USP34: variants seen among roughly 807,000 people sequenced by gnomAD.
The protein encoded by USP34 is ubiquitin carboxyl-terminal hydrolase 34.
Under a neutral mutation model 460.3 loss-of-function variants are expected in USP34, and 70 were observed. That is an observed-to-expected ratio of 0.15 (90% CI 0.13 to 0.19). The LOEUF (loss-of-function observed/expected upper bound fraction) is 0.19, where lower values mean the gene tolerates loss of function less well. Ranked by LOEUF, USP34 falls within the 10% of genes least tolerant of loss-of-function variation. The probability of loss-of-function intolerance (pLI) is 1.00; values close to 1 mark genes in which losing one functional copy is unlikely to be tolerated. For missense variants in USP34, 3,985 were observed against 4,236.2 expected (o/e 0.94, Z 1.65); for synonymous variants, 1,647 against 1,405.3 (o/e 1.17, Z -3.85).
At chr2:61,289,819 G>C (rs1187754454) in intron 33 of USP34, among the ~76,000 whole-genome samples, 3 of 152,016 alleles carry the variant, frequency 2.0e-5, no homozygotes, top group Non-Finnish European at 4.4e-5. Context: ...TAAAAGAAAA[G>C]ACTATAAAAC....
At chr2:61,392,780 T>A (rs974830443) in intron 5 of USP34, among the ~76,000 whole-genome samples, 1 of 152,212 alleles carries the variant, frequency 6.6e-6, no homozygotes, top group African/African-American at 2.4e-5. Flanking sequence ...TATGTAATAT[T>A]CCTGATTAAG....
intron 49 of USP34, among the ~76,000 whole-genome samples, chr2:61,247,719 T>C (rs1688454417): frequency 6.6e-6 from 1 of 152,148 alleles, no homozygotes; most frequent in Non-Finnish European, 1.5e-5. Flanking sequence ...TAATAATAGG[T>C]CTAAAAAGTA....
intron 27 of USP34, among the ~76,000 whole-genome samples, chr2:61,302,399 C>T (rs976044801): frequency 6.6e-6 from 1 of 152,070 alleles, no homozygotes; most frequent in African/African-American, 2.4e-5. Flanking sequence ...GTTTTTCTTC[C>T]AAGACGAGTC....
intron 67 of USP34, among the ~76,000 whole-genome samples, chr2:61,218,119 T>C (rs1687454322): frequency 1.3e-5 from 2 of 151,720 alleles, no homozygotes; most frequent in African/African-American, 4.8e-5. Flanking sequence ...TCATCAGTAT[T>C]AGGCATAATA....
At position 61,291,950 on chromosome 2, in the gene USP34, A is replaced by G. The variant is rs186677912; in HGVS notation, c.4548+1514T>C. Among the ~76,000 whole-genome samples the G allele has an allele frequency of 2.1e-3, 322 of 152,284 alleles. 3 individuals are homozygous for G. Among genetic ancestry groups the G allele is most frequent in the African/African-American group, 7.3e-3 (304 of 41,570 alleles). ...CTCGAAAATAGGCTAAGTGAAAGAA[A>G]CCAGTCACGATGGACCATATATTGT... On this transcript the variant is annotated intron_variant, in intron 33 of 79. Transcript: ENST00000398571.
intron 1 of USP34, among the ~76,000 whole-genome samples, chr2:61,446,183 ATACT>A (rs937428387): frequency 2.6e-5 from 4 of 152,044 alleles, no homozygotes; most frequent in African/African-American, 4.8e-5. Context: ...TCATTTATAA[ATACT>A]TCATTCCATA....
chr2:61,225,663 T>C (rs1159913834), intron 62 of USP34, among the ~76,000 whole-genome samples: 1 of 152,206 alleles, frequency 6.6e-6, no homozygotes, highest in Non-Finnish European at 1.5e-5. Flanking sequence ...AATACTGAAT[T>C]AGCAAATACC....
intron 34 of USP34, 142 bp downstream of exon 34, chr2:61,288,535 T>C: frequency 1.3e-6 from 1 of 794,704 alleles, no homozygotes; most frequent in Non-Finnish European, 2.0e-6. Flanking sequence ...TCATAATCAC[T>C]ACTGCTTTAA....
intron 1 of USP34, among the ~76,000 whole-genome samples, chr2:61,454,767 T>C (rs1695383048): frequency 6.6e-6 from 1 of 151,482 alleles, no homozygotes; most frequent in South Asian, 2.1e-4. Context: ...CAGGCTGGTC[T>C]CGAACTCCTG....
At position 61,216,468 on chromosome 2, in the gene USP34, T is replaced by C. The variant is rs1473505974; in HGVS notation, c.8048-1774A>G. On this transcript the variant is annotated intron_variant, in intron 67 of 79. Transcript: ENST00000398571. Reference sequence around the variant, plus strand: ...ACAAAAAATTAGCCAGGCGTGGTGGTGAGCGCCTGTAGTCCCAGCTACTCG... The same window carrying C: ...ACAAAAAATTAGCCAGGCGTGGTGGCGAGCGCCTGTAGTCCCAGCTACTCG... Among the ~76,000 whole-genome samples, 10 of 151,462 alleles carry C rather than the reference T, an allele frequency of 6.6e-5. 1 individual carries two copies. In the East Asian group the frequency reaches 7.8e-4, roughly 12 times the overall value.
At chr2:61,391,075 CAG>C (rs1693330865) in intron 5 of USP34, among the ~76,000 whole-genome samples, 1 of 151,272 alleles carries the variant, frequency 6.6e-6, no homozygotes, top group Admixed American at 6.6e-5. Flanking sequence ...AGCCTGGTGA[CAG>C]AGCGAGACTC....
chr2:61,426,866 C>T (rs751256225), intron 1 of USP34, among the ~76,000 whole-genome samples: 10 of 152,174 alleles, frequency 6.6e-5, no homozygotes, highest in South Asian at 2.1e-4. Context: ...ACAGCGAGAC[C>T]GTGTGTTTGG....
intron 62 of USP34, among the ~76,000 whole-genome samples, chr2:61,225,873 C>A (rs1043450344): frequency 6.6e-6 from 1 of 152,252 alleles, no homozygotes; most frequent in East Asian, 1.9e-4. Flanking sequence ...GTGTCTAACA[C>A]GTATTTTCCC....
At chr2:61,461,734 T>C (rs1695606479) in intron 1 of USP34, among the ~76,000 whole-genome samples, 1 of 152,138 alleles carries the variant, frequency 6.6e-6, no homozygotes. Context: ...GACTAAAAGA[T>C]CAATATATCC....
At chr2:61,283,574 TGAGTGA>T (rs59387275) in intron 35 of USP34, 125 bp from the exon 36 acceptor site, 327,012 of 680,476 alleles carry the variant, frequency 0.48, 90,954 homozygotes, top group South Asian at 0.71. Context: ...AGTGGGTGTG[TGAGTGA>T]GAGTGAGAGT....
chr2:61,388,138 G>A (rs535809515), intron 5 of USP34, among the ~76,000 whole-genome samples: 16 of 152,210 alleles, frequency 1.1e-4, no homozygotes, highest in South Asian at 6.2e-4. Flanking sequence ...AGCTATGCAA[G>A]AGGCTGAGGT....
chr2:61,217,742 C>G (rs1400490556), intron 67 of USP34, among the ~76,000 whole-genome samples: 1 of 152,120 alleles, frequency 6.6e-6, no homozygotes, highest in Non-Finnish European at 1.5e-5. Flanking sequence ...ATCACGAGGT[C>G]AGGAGTTTGA....
At chr2:61,362,394 T>C (rs1041551976) in intron 10 of USP34, among the ~76,000 whole-genome samples, 1 of 152,052 alleles carries the variant, frequency 6.6e-6, no homozygotes, top group African/African-American at 2.4e-5. Context: ...AGCCAAGATA[T>C]GGAAAAAAAA....
chr2:61,311,922 CACAA>C lies in USP34; in HGVS notation c.3543-16_3543-13del. The C allele has an allele frequency of 6.2e-7, 1 of 1,610,082 alleles. No homozygotes were observed. Among genetic ancestry groups the C allele is most frequent in the Non-Finnish European group, 8.5e-7 (1 of 1,179,092 alleles). ...GATGATATGCAAACCTAAAACATGA[CACAA>C]ACAACACATAGAAAGGATACCATTT... On this transcript the variant is annotated splice_polypyrimidine_tract_variant and intron_variant, in intron 25 of 79. Coordinates refer to ENST00000398571, the MANE Select transcript of USP34 (RefSeq NM_014709.4).
Sources: allele counts gnomAD v4.1 joint callset (sites outside exome capture counted in the v4.1 genomes callset), GRCh38; gene constraint gnomAD v4.1.1; transcripts MANE v1.5; gene names NCBI Gene and HGNC (gene_info 2026-07-23, HGNC 2026-07-21).